The following MICAL2 variants were observed in gnomAD, a reference collection of about 807,000 sequenced individuals.
MICAL2 encodes the protein [F-actin]-monooxygenase MICAL2.
MICAL2 carries 77 observed loss-of-function variants against 127.3 expected under a neutral mutation model. That is an observed-to-expected ratio of 0.60 (90% CI 0.50 to 0.73). The LOEUF (loss-of-function observed/expected upper bound fraction) is 0.73. Ranked by LOEUF, MICAL2 falls within the 30% of genes least tolerant of loss-of-function variation. The probability of loss-of-function intolerance (pLI) is 0.00; values close to 1 mark genes in which losing one functional copy is unlikely to be tolerated. For synonymous variants in MICAL2, 570 were observed against 551.1 expected (o/e 1.03, Z -0.48); for missense variants, 1,351 against 1,434.4 (o/e 0.94, Z 0.94).
exon 35 of MICAL2, chr11:12,358,432 T>C (rs2134916226): frequency 1.2e-6 from 2 of 1,614,190 alleles, no homozygotes; most frequent in East Asian, 4.5e-5. Flanking sequence ...GGACCAGCAC[T>C]TTGAAAGCTT....
intron 31 of MICAL2, among the ~76,000 whole-genome samples, chr11:12,325,622 GTCTT>G (rs1420531413): frequency 7.9e-5 from 12 of 152,328 alleles, no homozygotes; most frequent in African/African-American, 2.2e-4. Flanking sequence ...TCCTCACATG[GTCTT>G]TCTGTGAGTT....
chr11:12,342,224 G>C (rs779685797), intron 32 of MICAL2, among the ~76,000 whole-genome samples: 2 of 152,202 alleles, frequency 1.3e-5, no homozygotes, highest in Non-Finnish European at 2.9e-5. Context: ...CTGCGTCCTG[G>C]TTCCTAGCTA....
downstream of MICAL2, chr11:12,294,471 G>A (rs184208312): frequency 5.0e-5 from 80 of 1,614,150 alleles, no homozygotes; most frequent in Non-Finnish European, 4.0e-5. Context: ...CGCACCCACA[G>A]TTTGCCCAAT....
chr11:12,130,949 C>T (rs1008468709), intron 1 of MICAL2, among the ~76,000 whole-genome samples: 1 of 152,112 alleles, frequency 6.6e-6, no homozygotes, highest in Non-Finnish European at 1.5e-5. Context: ...CTGTGATGGT[C>T]GCATGACTGG....
intron 1 of MICAL2, among the ~76,000 whole-genome samples, chr11:12,125,861 C>T (rs1355045237): frequency 1.1e-5 from 1 of 88,584 alleles, no homozygotes; most frequent in Admixed American, 1.2e-4. Context: ...GCAAGTATTT[C>T]TTATTCAGTT....
chr11:12,281,522 C>T (rs1863771268), intron 2 of MICAL2, among the ~76,000 whole-genome samples: 1 of 152,176 alleles, frequency 6.6e-6, no homozygotes, highest in Non-Finnish European at 1.5e-5. Context: ...CCCTGGATGG[C>T]ATCATCTCCC....
At chr11:12,338,593 C>T (rs1163579733) in intron 32 of MICAL2, among the ~76,000 whole-genome samples, 5 of 152,100 alleles carry the variant, frequency 3.3e-5, no homozygotes, top group Non-Finnish European at 7.3e-5. Flanking sequence ...TGGCTGGTAC[C>T]AGTTGTTCCT....
intron 6 of MICAL2, among the ~76,000 whole-genome samples, chr11:12,209,854 C>G (rs751388433): frequency 6.6e-6 from 1 of 152,060 alleles, no homozygotes; most frequent in Non-Finnish European, 1.5e-5. Context: ...AGAACCCTTT[C>G]AAAGTGTTGT....
intron 1 of MICAL2, among the ~76,000 whole-genome samples, chr11:12,124,254 G>A (rs1215314080): frequency 3.3e-5 from 5 of 151,982 alleles, no homozygotes; most frequent in Admixed American, 2.0e-4. Flanking sequence ...AATGCTTATC[G>A]AAGGGACCCC....
exon 32 of MICAL2, chr11:12,327,239 C>A: frequency 6.4e-7 from 1 of 1,550,984 alleles, no homozygotes; most frequent in Non-Finnish European, 8.7e-7. Context: ...GGGTGTGAGG[C>A]TGGAGAAGGC....
At chr11:12,130,215 G>A (rs2133545802) in intron 1 of MICAL2, among the ~76,000 whole-genome samples, 1 of 152,322 alleles carries the variant, frequency 6.6e-6, no homozygotes, top group Middle Eastern at 3.4e-3. Context: ...GGAGAGCATT[G>A]TAGCTTGAAG....
exon 2 of MICAL2, chr11:12,281,066 C>T (rs1030123666): frequency 5.0e-6 from 2 of 398,984 alleles, no homozygotes; most frequent in Non-Finnish European, 8.8e-6. Context: ...GGCAGTCTCT[C>T]CACAGTGCCC....
intron 1 of MICAL2, among the ~76,000 whole-genome samples, chr11:12,279,221 G>C (rs2134762068): frequency 6.6e-6 from 1 of 152,300 alleles, no homozygotes; most frequent in South Asian, 2.1e-4. Context: ...GAGGCTGCTG[G>C]AGAGCCCAGT....
At chr11:12,218,015 C>T (rs1590406611) in intron 8 of MICAL2, among the ~76,000 whole-genome samples, 1 of 152,224 alleles carries the variant, frequency 6.6e-6, no homozygotes, top group South Asian at 2.1e-4. Context: ...GTTTTCCTCT[C>T]CCTACATGGA....
intron 24 of MICAL2, 54 bp downstream of exon 24, chr11:12,257,025 C>T: frequency 6.5e-7 from 1 of 1,529,426 alleles, no homozygotes. Context: ...TCAGGTGTGA[C>T]CTTGGCTCGG....
At position 12,259,878 on chromosome 11, in the gene MICAL2, C is replaced by A. The variant is rs1481541822; in HGVS notation, c.3315C>A (p.Thr1105=). ...ESSCAVAAIG[T]LEGSPPVHFS... ...CTTGCGCAGTGGCCGCCATTGGCAC[C>A]CTGGAAGGCAGCCCCCCAGGTATCT... The change falls in exon 26 of 28, where the codon ACC becomes ACA. Residue 1105 remains threonine, a synonymous_variant. Coordinates refer to ENST00000683283, the MANE Select transcript of MICAL2 (RefSeq NM_001282663.2). 3.1e-6 allele frequency: 5 copies of A among 1,612,262 alleles called. No homozygotes were observed. In the East Asian group the frequency reaches 6.7e-5, roughly 22 times the overall value.
At chr11:12,123,053 T>A (rs973880635) in intron 1 of MICAL2, among the ~76,000 whole-genome samples, 10 of 152,220 alleles carry the variant, frequency 6.6e-5, no homozygotes, top group East Asian at 1.9e-4. Flanking sequence ...TGTTTTTTTT[T>A]AATCAAATCT....
At chr11:12,298,060 A>C (rs555804740) in intron 29 of MICAL2, among the ~76,000 whole-genome samples, 1 of 151,942 alleles carries the variant, frequency 6.6e-6, no homozygotes, top group Non-Finnish European at 1.5e-5. Context: ...ATCTACCAAA[A>C]AAAAAGTCCT....
chr11:12,175,214 G>A (rs923252923), intron 3 of MICAL2, among the ~76,000 whole-genome samples: 8 of 152,042 alleles, frequency 5.3e-5, no homozygotes, highest in Admixed American at 2.0e-4. Flanking sequence ...GATGGCTCAC[G>A]TCTGTAATCC....
Sources: allele counts gnomAD v4.1 joint callset (sites outside exome capture counted in the v4.1 genomes callset), GRCh38; gene constraint gnomAD v4.1.1; transcripts MANE v1.5; gene names NCBI Gene and HGNC (gene_info 2026-07-23, HGNC 2026-07-21).